HAPLN2: variants seen among roughly 807,000 people sequenced by gnomAD.
HAPLN2 encodes hyaluronan and proteoglycan link protein 2.
Under a neutral mutation model 29.3 loss-of-function variants are expected in HAPLN2, and 27 were observed. That is an observed-to-expected ratio of 0.92 (90% CI 0.68 to 1.27). HAPLN2 has a LOEUF of 1.27. Ranked by LOEUF, HAPLN2 falls within the 50% of genes most tolerant of loss-of-function variation. HAPLN2 has a pLI of 0.00. For synonymous variants in HAPLN2, 208 were observed against 211.7 expected (o/e 0.98, Z 0.15); for missense variants, 454 against 484.3 (o/e 0.94, Z 0.59).
chr1:156,603,216 ATT>A, the HAPLN2 span, among the ~76,000 whole-genome samples: 3 of 145,216 alleles, frequency 2.1e-5, no homozygotes. Flanking sequence ...ACCTTGAACA[ATT>A]TTTTTTTTTT....
At chr1:156,618,280 TG>T (rs1678109657), upstream of HAPLN2, among the ~76,000 whole-genome samples, 1 of 128,054 alleles carries the variant, frequency 7.8e-6, no homozygotes. Context: ...CACTCCAGCC[TG>T]GGTGACAGAG....
At position 156,623,835 on chromosome 1, in the gene HAPLN2, G is replaced by GC. The variant is rs1395882541; in HGVS notation, c.120dup (p.Ile41HisfsTer155). 3 of 1,537,338 alleles carry GC rather than the reference G, an allele frequency of 2.0e-6. No individual in the cohort carries two copies. The highest frequency in any genetic ancestry group is 2.6e-5 in the South Asian group (2 of 77,840). On this transcript the variant is annotated frameshift_variant, in exon 4 of 7. Transcript: ENST00000255039. LOFTEE classifies it high-confidence loss of function. Reference sequence around the variant, plus strand: ...CCCACCCGGGCCCCCACTACCTCCTGCCCCCCATCCACGAGGTCATTCACT... The same window carrying GC: ...CCCACCCGGGCCCCCACTACCTCCTGCCCCCCCATCCACGAGGTCATTCACT...
upstream of HAPLN2, among the ~76,000 whole-genome samples, chr1:156,615,557 ACT>A (rs201666308): frequency 8.0e-5 from 11 of 138,208 alleles, no homozygotes; most frequent in South Asian, 2.3e-4. Flanking sequence ...ATCCCATCTC[ACT>A]CTCTCTCTCT....
At chr1:156,613,155 C>T in the HAPLN2 span, among the ~76,000 whole-genome samples, 2 of 151,990 alleles carry the variant, frequency 1.3e-5, no homozygotes, top group Non-Finnish European at 2.9e-5. Flanking sequence ...TCGAGACCAG[C>T]CTGGCCAACA....
chr1:156,616,261 C>A (rs1678056432), upstream of HAPLN2, among the ~76,000 whole-genome samples: 1 of 152,152 alleles, frequency 6.6e-6, no homozygotes, highest in South Asian at 2.1e-4. Flanking sequence ...AGTGAGGAGA[C>A]CCCAGCTTGT....
At chr1:156,618,873 A>G (rs1678133123), upstream of HAPLN2, among the ~76,000 whole-genome samples, 1 of 151,360 alleles carries the variant, frequency 6.6e-6, no homozygotes, top group Non-Finnish European at 1.5e-5. Context: ...TAAAAAGGTT[A>G]TCTATTTGTG....
At chr1:156,609,058 C>T in the HAPLN2 span, among the ~76,000 whole-genome samples, 1 of 152,194 alleles carries the variant, frequency 6.6e-6, no homozygotes, top group African/African-American at 2.4e-5. Flanking sequence ...CGAACAAGAG[C>T]TTAGCTGAAC....
upstream of HAPLN2, among the ~76,000 whole-genome samples, chr1:156,617,693 GT>G (rs1678095914): frequency 6.7e-6 from 1 of 148,186 alleles, no homozygotes; most frequent in Non-Finnish European, 1.5e-5. Context: ...AAATTATATG[GT>G]TTTAATAATG....
rs1463020915 is a variant in HAPLN2 at position 156,623,041 on chromosome 1, T to TAAA, written c.-24-425_-24-423dup. On this transcript the variant is annotated intron_variant, in intron 2 of 6. Transcript: ENST00000255039. ...GGAGCAACACTCTGTCTCAAAAAAATAAATAAATAAATAAATAAATAAATA... is the reference window on the plus strand; with the variant it reads ...GGAGCAACACTCTGTCTCAAAAAAATAAAAAATAAATAAATAAATAAATAAATA... 2.0e-4 allele frequency among the ~76,000 whole-genome samples: 19 copies of TAAA among 93,266 alleles called. 1 individual carries two copies. In the South Asian group the frequency reaches 3.3e-3, roughly 16 times the overall value. 61.2% of individuals were successfully genotyped at this position (93,266 alleles called of 152,430 possible). A position where few individuals can be genotyped will look rare whatever the true frequency, so the allele number is the denominator to read the frequency against.
the HAPLN2 span, among the ~76,000 whole-genome samples, chr1:156,606,003 G>A: frequency 0.05 from 7,572 of 152,192 alleles, 651 homozygotes; most frequent in African/African-American, 0.17. Context: ...TAAAAATTAG[G>A]CTGGGCATGG....
At chr1:156,607,479 C>CA in the HAPLN2 span, among the ~76,000 whole-genome samples, 2,571 of 144,106 alleles carry the variant, frequency 0.018, 38 homozygotes, top group Non-Finnish European at 0.024. Context: ...GACTCTGTCT[C>CA]AAAAAAAAAA....
the HAPLN2 span, among the ~76,000 whole-genome samples, chr1:156,606,424 A>G: frequency 1.7e-5 from 1 of 58,938 alleles, no homozygotes; most frequent in Non-Finnish European, 2.9e-5. Context: ...GACTCTGTCT[A>G]AAAAAAAAAA....
intron 2 of HAPLN2, among the ~76,000 whole-genome samples, chr1:156,623,048 ATAAAT>A (rs1557975819): frequency 1.8e-4 from 25 of 137,952 alleles, no homozygotes; most frequent in African/African-American, 7.4e-4. Flanking sequence ...AAATAAATAA[ATAAAT>A]AAATAAATAA....
rs1180643735 is a variant in HAPLN2 at position 156,623,908 on chromosome 1, C to T, written c.187C>T (p.Pro63Ser). ...ATLPCVLGTTPPSYKVRWSKV... is the reference protein window; with the variant it reads ...ATLPCVLGTTSPSYKVRWSKV... ...GCTGCCCTGCGTCCTGGGCACCACGCCTCCCAGCTACAAGGTGCGCTGGAG... is the reference window on the plus strand; with the variant it reads ...GCTGCCCTGCGTCCTGGGCACCACGTCTCCCAGCTACAAGGTGCGCTGGAG... Residue 63 changes from proline (P) to serine (S), a missense_variant, in exon 4 of 7, where the codon CCT becomes TCT. Coordinates refer to ENST00000255039, the MANE Select transcript of HAPLN2 (RefSeq NM_021817.3). 1.2e-6 allele frequency: 2 copies of T among 1,601,358 alleles called. No homozygotes were observed. The highest frequency in any genetic ancestry group is 2.7e-5 in the African/African-American group (2 of 74,770).
At chr1:156,609,092 C>T in the HAPLN2 span, among the ~76,000 whole-genome samples, 5 of 152,292 alleles carry the variant, frequency 3.3e-5, no homozygotes, top group African/African-American at 4.8e-5. Flanking sequence ...AGGTCTGAAG[C>T]GCTGAGTCTG....
At chr1:156,607,779 C>G in the HAPLN2 span, among the ~76,000 whole-genome samples, 1 of 152,190 alleles carries the variant, frequency 6.6e-6, no homozygotes, top group Admixed American at 6.5e-5. Context: ...ATTTATCTTC[C>G]TCCACTTCTT....
intron 2 of HAPLN2, among the ~76,000 whole-genome samples, chr1:156,620,916 A>G (rs1678198344): frequency 6.6e-6 from 1 of 152,128 alleles, no homozygotes. Flanking sequence ...ATATCAATTT[A>G]TTTATTCCTC....
At chr1:156,608,047 A>T in the HAPLN2 span, among the ~76,000 whole-genome samples, 1 of 152,362 alleles carries the variant, frequency 6.6e-6, no homozygotes, top group Admixed American at 6.5e-5. Context: ...TAATAAAGAT[A>T]TTATGATCCC....
In HAPLN2 at chr1:156,624,358, G is replaced by A. The variant is rs928994323; in HGVS notation, c.447G>A (p.Val149=). The part of the protein sequence containing the change: ...VALTLSLEGV[V]FPYQPSRGRY... ...ATCCCCGCCACCCCCTAGGTGTGGT[G>A]TTTCCGTACCAACCCAGCCGGGGCC... is the stretch of plus-strand genomic sequence containing the variant. Residue 149 remains valine (V), a synonymous_variant, in exon 5 of 7, where the codon GTG becomes GTA. Coordinates refer to ENST00000255039, the MANE Select transcript of HAPLN2 (RefSeq NM_021817.3). 5.6e-6 allele frequency: 9 copies of A among 1,602,952 alleles called. No individual in the cohort carries two copies. Among genetic ancestry groups the A allele is most frequent in the East Asian group, 2.3e-5 (1 of 44,304 alleles).
Sources: allele counts gnomAD v4.1 joint callset (sites outside exome capture counted in the v4.1 genomes callset), GRCh38; gene constraint gnomAD v4.1.1; transcripts MANE v1.5; gene names NCBI Gene and HGNC (gene_info 2026-07-23, HGNC 2026-07-21).